NCKAP5: variants seen among roughly 807,000 people sequenced by gnomAD.
The protein encoded by NCKAP5 is NCK associated protein 5.
Under a neutral mutation model 167.0 loss-of-function variants are expected in NCKAP5, and 92 were observed. The observed-to-expected ratio is 0.55, with a 90% CI of 0.47 to 0.66. The LOEUF (loss-of-function observed/expected upper bound fraction) is 0.66. NCKAP5 is among the 30% of genes least tolerant of loss of function. NCKAP5 has a pLI of 0.00. For synonymous variants in NCKAP5, 891 were observed against 877.4 expected (o/e 1.02, Z -0.27); for missense variants, 2,378 against 2,315.0 (o/e 1.03, Z -0.56).
the NCKAP5 span, among the ~76,000 whole-genome samples, chr2:133,589,665 ATCC>A: frequency 4.6e-5 from 7 of 152,200 alleles, no homozygotes; most frequent in Non-Finnish European, 1.0e-4. Flanking sequence ...GCACATTATA[ATCC>A]TCCTCATGCC....
At chr2:133,342,038 A>C (rs1187768292) in intron 3 of NCKAP5, among the ~76,000 whole-genome samples, 1 of 152,042 alleles carries the variant, frequency 6.6e-6, no homozygotes, top group Non-Finnish European at 1.5e-5. Context: ...TCCCGGGTTC[A>C]CGCCATTCTC....
the NCKAP5 span, among the ~76,000 whole-genome samples, chr2:133,616,991 G>T: frequency 1.6e-4 from 24 of 151,650 alleles, no homozygotes; most frequent in Middle Eastern, 3.4e-3. Context: ...TGCAAGTCTG[G>T]TTCAATATAC....
At chr2:133,254,194 G>A (rs1428516884) in intron 4 of NCKAP5, among the ~76,000 whole-genome samples, 1 of 152,186 alleles carries the variant, frequency 6.6e-6, no homozygotes, top group African/African-American at 2.4e-5. Context: ...GAACATGAGA[G>A]AAGTGACACA....
intron 3 of NCKAP5, among the ~76,000 whole-genome samples, chr2:133,474,491 T>C (rs1292913161): frequency 6.6e-6 from 1 of 152,178 alleles, no homozygotes; most frequent in Admixed American, 6.5e-5. Context: ...TTGTGCAACA[T>C]GGTGAATAGA....
the NCKAP5 span, among the ~76,000 whole-genome samples, chr2:133,641,792 C>T: frequency 6.6e-6 from 1 of 152,214 alleles, no homozygotes; most frequent in Non-Finnish European, 1.5e-5. Context: ...TTAGCAGAGC[C>T]ACCTTGAGTT....
At chr2:132,713,714 A>G (rs75772466) in intron 19 of NCKAP5, among the ~76,000 whole-genome samples, 93,319 of 147,956 alleles carry the variant, frequency 0.63, 28,967 homozygotes, top group East Asian at 0.85. Context: ...AGGGCCAAAC[A>G]AAAAAAAAAA....
intron 4 of NCKAP5, among the ~76,000 whole-genome samples, chr2:133,293,008 A>G (rs529471229): frequency 2.6e-5 from 4 of 152,290 alleles, no homozygotes; most frequent in African/African-American, 9.6e-5. Flanking sequence ...CCTCACTCCA[A>G]TTCTGCTCCT....
intron 6 of NCKAP5, among the ~76,000 whole-genome samples, chr2:133,026,986 A>G (rs1011274501): frequency 2.6e-5 from 4 of 152,140 alleles, no homozygotes; most frequent in African/African-American, 9.7e-5. Flanking sequence ...AGTTCATTCC[A>G]ATGCGCCCTT....
intron 8 of NCKAP5, chr2:132,926,197 T>A (rs1262711341): frequency 5.0e-6 from 2 of 401,072 alleles, no homozygotes; most frequent in Non-Finnish European, 1.0e-5. Context: ...TCCAGTTCCA[T>A]CCATGTTTCT....
chr2:133,423,243 A>T (rs1463121355), intron 3 of NCKAP5, among the ~76,000 whole-genome samples: 5 of 152,202 alleles, frequency 3.3e-5, no homozygotes, highest in Non-Finnish European at 7.3e-5. Flanking sequence ...GTGAAAACTG[A>T]TGACCCATAG....
chr2:133,162,330 C>T (rs574225776), intron 5 of NCKAP5, among the ~76,000 whole-genome samples: 5 of 152,260 alleles, frequency 3.3e-5, no homozygotes, highest in South Asian at 2.1e-4. Context: ...TAGAGATTAA[C>T]GATCTATGTG....
chr2:133,309,009 C>T (rs912093701), intron 3 of NCKAP5, among the ~76,000 whole-genome samples: 9 of 151,398 alleles, frequency 5.9e-5, no homozygotes, highest in South Asian at 2.1e-4. Flanking sequence ...CGCGCCCGGC[C>T]GAAGAAATAC....
At chr2:133,529,828 T>C (rs1424232570) in intron 2 of NCKAP5, among the ~76,000 whole-genome samples, 1 of 152,174 alleles carries the variant, frequency 6.6e-6, no homozygotes, top group Non-Finnish European at 1.5e-5. Context: ...ATCTGAACTA[T>C]TTTTCTCTGG....
intron 4 of NCKAP5, among the ~76,000 whole-genome samples, chr2:133,238,201 C>T (rs984971015): frequency 6.6e-6 from 1 of 152,174 alleles, no homozygotes; most frequent in Non-Finnish European, 1.5e-5. Flanking sequence ...TTACCTCCCC[C>T]TCTACTTATA....
At chr2:133,415,191 T>C (rs1034555940) in intron 3 of NCKAP5, among the ~76,000 whole-genome samples, 1 of 152,256 alleles carries the variant, frequency 6.6e-6, no homozygotes, top group Non-Finnish European at 1.5e-5. Flanking sequence ...ATTTGTACCA[T>C]GTCATGGCCA....
chr2:132,900,257 A>G (rs1307132538), intron 8 of NCKAP5, among the ~76,000 whole-genome samples: 1 of 152,248 alleles, frequency 6.6e-6, no homozygotes, highest in African/African-American at 2.4e-5. Context: ...AAGTGAGCAC[A>G]TGCTATTGGA....
chr2:133,098,998 A>C (rs2149671470), intron 6 of NCKAP5, among the ~76,000 whole-genome samples: 1 of 152,316 alleles, frequency 6.6e-6, no homozygotes, highest in East Asian at 1.9e-4. Flanking sequence ...GCAGTGTCAC[A>C]GAAAAGTAAT....
intron 5 of NCKAP5, among the ~76,000 whole-genome samples, chr2:133,193,176 T>G (rs544016186): frequency 4.3e-4 from 65 of 152,242 alleles, no homozygotes; most frequent in African/African-American, 1.5e-3. Flanking sequence ...TGATTCCATT[T>G]ATGTAACATT....
chr2:133,140,123 A>G (rs1432359688), intron 5 of NCKAP5, among the ~76,000 whole-genome samples: 1 of 152,222 alleles, frequency 6.6e-6, no homozygotes, highest in Non-Finnish European at 1.5e-5. Flanking sequence ...ATTGATCACA[A>G]TTAACAGTAG....
Sources: allele counts gnomAD v4.1 joint callset (sites outside exome capture counted in the v4.1 genomes callset), GRCh38; gene constraint gnomAD v4.1.1; transcripts MANE v1.5; gene names NCBI Gene and HGNC (gene_info 2026-07-23, HGNC 2026-07-21).